Variants in ADD1 observed in about 807,000 individuals in gnomAD.
ADD1 encodes the protein alpha-adducin.
ADD1 carries 24 observed loss-of-function variants against 80.5 expected under a neutral mutation model. The ratio of observed to expected loss-of-function variants is 0.30; its 90% CI spans 0.22 to 0.42. The LOEUF (loss-of-function observed/expected upper bound fraction) is 0.42, where lower values mean the gene tolerates loss of function less well. ADD1 is among the 10% of genes least tolerant of loss of function. The pLI, the probability that ADD1 is intolerant of heterozygous loss-of-function variation, is 1.00. For synonymous variants in ADD1, 373 were observed against 393.8 expected, an observed-to-expected ratio of 0.95 and a Z score of 0.63; for missense variants, 948 against 1,019.0, an observed-to-expected ratio of 0.93 and a Z score of 0.95.
chr4:2,894,812 G>A, intron 6 of ADD1, 81 bp downstream of exon 6: 1 of 1,409,966 alleles, frequency 7.1e-7, no homozygotes, highest in South Asian at 1.4e-5. Flanking sequence ...AATTGCCCTT[G>A]TTGTTTATAG....
At chr4:2,858,121 A>G (rs951690765) in intron 1 of ADD1, among the ~76,000 whole-genome samples, 1 of 152,118 alleles carries the variant, frequency 6.6e-6, no homozygotes, top group African/African-American at 2.4e-5. Flanking sequence ...CTAGGAGGGA[A>G]CTCTACTATG....
intron 3 of ADD1, 54 bp from the exon 4 acceptor site, chr4:2,884,461 G>A (rs1472459591): frequency 2.8e-6 from 4 of 1,406,568 alleles, no homozygotes; most frequent in Non-Finnish European, 3.8e-6. Flanking sequence ...GAGTAACTAG[G>A]ACTACAGGCG....
chr4:2,851,340 G>A (rs1324882027), intron 1 of ADD1, among the ~76,000 whole-genome samples: 1 of 152,240 alleles, frequency 6.6e-6, no homozygotes, highest in Non-Finnish European at 1.5e-5. Context: ...AACTGGAGGT[G>A]TGAGGCTGTG....
intron 1 of ADD1, among the ~76,000 whole-genome samples, chr4:2,865,224 A>G (rs1729372408): frequency 6.6e-6 from 1 of 152,030 alleles, no homozygotes; most frequent in Non-Finnish European, 1.5e-5. Flanking sequence ...AGACTAGACC[A>G]TCTAAAATTT....
intron 4 of ADD1, among the ~76,000 whole-genome samples, chr4:2,885,594 G>A (rs1733125508): frequency 6.6e-6 from 1 of 151,484 alleles, no homozygotes; most frequent in South Asian, 2.1e-4. Context: ...ACCTGGCTTG[G>A]AATTCCACCC....
At chr4:2,882,190 T>C in intron 3 of ADD1, 130 bp downstream of exon 3, 3 of 874,468 alleles carry the variant, frequency 3.4e-6, no homozygotes, top group Non-Finnish European at 5.0e-6. Flanking sequence ...AAAATTAATG[T>C]GTTTTCGTTA....
At chr4:2,916,657 G>A (rs1479256018) in intron 14 of ADD1, among the ~76,000 whole-genome samples, 1 of 152,140 alleles carries the variant, frequency 6.6e-6, no homozygotes, top group African/African-American at 2.4e-5. Context: ...ATCTACATTA[G>A]GTATTTCTCC....
intron 8 of ADD1, 191 bp from the exon 9 acceptor site, chr4:2,899,068 A>G (rs1735743209): frequency 1.6e-6 from 1 of 626,404 alleles, no homozygotes; most frequent in Non-Finnish European, 2.7e-6. Flanking sequence ...TTGGTGCCCA[A>G]TATTTTTGTC....
Position 2,928,212 on chromosome 4 carries a change from G to A in ADD1, c.2089G>A (p.Ala697Thr), listed in dbSNP as rs958491077. The change falls in exon 16 of 16, where the codon GCC becomes ACC. Residue 697 changes from alanine (A) to threonine (T), a missense_variant. Transcript: ENST00000683351. The stretch of plus-strand genomic sequence containing the variant: ...GACTACTGGAGATGACAGTGATGCT[G>A]CCACCTTTAAGCCAACTCTCCCCGA... Reference protein sequence around the residue: ...EPTTGDDSDAATFKPTLPDLS... With the variant: ...EPTTGDDSDATTFKPTLPDLS... 3 of 1,613,976 alleles carry A rather than the reference G, an allele frequency of 1.9e-6. No homozygotes were observed. The African/African-American group carries it at 4.0e-5, about 22-fold the overall frequency.
At chr4:2,845,068 C>T (rs1725971011) in intron 1 of ADD1, among the ~76,000 whole-genome samples, 1 of 146,724 alleles carries the variant, frequency 6.8e-6, no homozygotes. Context: ...TGGACAAAGG[C>T]CCGCGATGAT....
intron 13 of ADD1, among the ~76,000 whole-genome samples, chr4:2,913,607 T>C (rs1166732365): frequency 6.6e-6 from 1 of 151,982 alleles, no homozygotes; most frequent in Non-Finnish European, 1.5e-5. Context: ...CGGAGCTCTG[T>C]GTCACTGGTC....
chr4:2,897,396 T>C (rs956881699), intron 6 of ADD1, among the ~76,000 whole-genome samples: 1 of 149,066 alleles, frequency 6.7e-6, no homozygotes, highest in African/African-American at 2.4e-5. Flanking sequence ...TAAGAAATTA[T>C]ATATAAATTG....
intron 1 of ADD1, among the ~76,000 whole-genome samples, chr4:2,852,037 C>A (rs952291488): frequency 6.6e-6 from 1 of 152,060 alleles, no homozygotes; most frequent in Non-Finnish European, 1.5e-5. Flanking sequence ...CGGGGTTTCC[C>A]CATGTTGAGG....
At chr4:2,861,757 A>C (rs1431731252) in intron 1 of ADD1, among the ~76,000 whole-genome samples, 1 of 152,116 alleles carries the variant, frequency 6.6e-6, no homozygotes, top group Admixed American at 6.5e-5. Flanking sequence ...GGTGGCTCTA[A>C]TGTATGACGA....
In ADD1 at chr4:2,925,920, G is replaced by T. The variant is rs917106340; in HGVS notation, c.1949-94G>T. On this transcript the variant is annotated intron_variant, in intron 14 of 15. Transcript: ENST00000683351. ...AGAGAGCCCTGCCTTCTCAGAGGGC[G>T]GCCGAGCGGGCTGCCCCATCTGCCA... The T allele has an allele frequency of 3.0e-6, 3 of 1,004,800 alleles. No homozygotes were observed. In the East Asian group the frequency reaches 7.6e-5, roughly 25 times the overall value. 62.2% of individuals were successfully genotyped at this position (1,004,800 alleles called of 1,614,324 possible).
intron 4 of ADD1, among the ~76,000 whole-genome samples, chr4:2,891,161 A>G (rs920521810): frequency 6.6e-6 from 1 of 152,030 alleles, no homozygotes; most frequent in African/African-American, 2.4e-5. Context: ...TTTTTAAGAT[A>G]AAGGAGGCTG....
At chr4:2,881,842 C>G (rs748473867) in intron 2 of ADD1, 56 bp from the exon 3 acceptor site, 1 of 1,495,668 alleles carries the variant, frequency 6.7e-7, no homozygotes, top group African/African-American at 1.4e-5. Context: ...CTTCTGACCC[C>G]CTGCCCAAGG....
chr4:2,914,785 AAAGCCTC>A (rs2109125920), intron 13 of ADD1, 92 bp from the exon 14 acceptor site: 2 of 1,423,632 alleles, frequency 1.4e-6, no homozygotes, highest in Non-Finnish European at 1.9e-6. Flanking sequence ...CTGCTCCTGG[AAAGCCTC>A]CTGCCCCCGC....
Position 2,852,207 on chromosome 4 carries a change from C to CTTTCTTTCCTTTCTTTCCTTTCCTTT in ADD1, c.-21+8183_-21+8184insTTTCTTTCCTTTCTTTCCTTTCCTTT, listed in dbSNP as rs1553815097. Among the ~76,000 whole-genome samples, 71 of 66,056 alleles carry CTTTCTTTCCTTTCTTTCCTTTCCTTT rather than the reference C, an allele frequency of 1.1e-3. 1 individual carries two copies. The highest frequency in any genetic ancestry group is 2.7e-3 in the East Asian group (7 of 2,638). 43.3% of individuals were successfully genotyped at this position (66,056 alleles called of 152,430 possible). Reference sequence around the variant, plus strand: ...CTTTCTTTCTTTCTTTCCTTTCTTTCCTTTCCTTTCTTTCCTTTCTTTCCT... The same window carrying CTTTCTTTCCTTTCTTTCCTTTCCTTT: ...CTTTCTTTCTTTCTTTCCTTTCTTTCTTTCTTTCCTTTCTTTCCTTTCCTTTCTTTCCTTTCTTTCCTTTCTTTCCT... On this transcript the variant is annotated intron_variant, in intron 1 of 15. Transcript: ENST00000683351.
Sources: gnomAD v4.1 joint callset for allele counts (sites outside exome capture counted in the v4.1 genomes callset) on GRCh38, gnomAD v4.1.1 for gene constraint, MANE v1.5 for transcripts, NCBI Gene and HGNC (gene_info 2026-07-23, HGNC 2026-07-21) for gene names.